The following PKN2 variants were observed in gnomAD, a reference collection of about 807,000 sequenced individuals.
The protein encoded by PKN2 is protein kinase N2, also known as serine/threonine-protein kinase N2.
PKN2 carries 38 observed loss-of-function variants against 119.1 expected under a neutral mutation model. That is an observed-to-expected ratio of 0.32 (90% CI 0.25 to 0.42). PKN2 has a LOEUF of 0.42. Ranked by LOEUF, PKN2 falls within the 10% of genes least tolerant of loss-of-function variation. The pLI, the probability that PKN2 is intolerant of heterozygous loss-of-function variation, is 1.00. For synonymous variants in PKN2, 390 were observed against 384.9 expected (o/e 1.01, Z -0.15); for missense variants, 850 against 1,165.1 (o/e 0.73, Z 3.94).
chr1:88,724,882 G>GTTTTTT (rs60507382), intron 1 of PKN2, among the ~76,000 whole-genome samples: 2,534 of 105,714 alleles, frequency 0.024, 78 homozygotes, highest in African/African-American at 0.071. Flanking sequence ...CCACCCCTTG[G>GTTTTTT]TTTTTTTTTT....
At chr1:88,820,981 TTC>T (rs1250490715) in intron 16 of PKN2, among the ~76,000 whole-genome samples, 2 of 152,190 alleles carry the variant, frequency 1.3e-5, no homozygotes, top group East Asian at 1.9e-4. Flanking sequence ...TCAAGAATTA[TTC>T]TCTCTCGACC....
At chr1:88,695,437 T>C (rs1341046647) in intron 1 of PKN2, among the ~76,000 whole-genome samples, 2 of 152,146 alleles carry the variant, frequency 1.3e-5, no homozygotes, top group East Asian at 3.8e-4. Context: ...GTGGTTCTTT[T>C]GTTTTTTTAT....
intron 3 of PKN2, 50 bp downstream of exon 3, chr1:88,760,426 T>A: frequency 3.8e-6 from 4 of 1,048,934 alleles, no homozygotes; most frequent in Non-Finnish European, 5.5e-6. Context: ...TATTTGCAGA[T>A]TCCATAGTTA....
intron 8 of PKN2, among the ~76,000 whole-genome samples, chr1:88,788,288 TTTGTG>T (rs1483843564): frequency 2.0e-5 from 3 of 152,286 alleles, no homozygotes; most frequent in Non-Finnish European, 4.4e-5. Flanking sequence ...AACACAGTCT[TTTGTG>T]TTGTTTTGGG....
chr1:88,732,747 T>C (rs1213104194), intron 1 of PKN2, among the ~76,000 whole-genome samples: 1 of 152,246 alleles, frequency 6.6e-6, no homozygotes, highest in Non-Finnish European at 1.5e-5. Context: ...TTTAAATTTC[T>C]TGTTTTATAT....
chr1:88,701,606 C>A (rs1037569243), intron 1 of PKN2, among the ~76,000 whole-genome samples: 4 of 152,192 alleles, frequency 2.6e-5, no homozygotes, highest in South Asian at 2.1e-4. Context: ...CCAGTTTACT[C>A]TTCACAGTTA....
At chr1:88,757,510 ATACAT>A (rs1420795371) in intron 2 of PKN2, among the ~76,000 whole-genome samples, 1 of 152,120 alleles carries the variant, frequency 6.6e-6, no homozygotes, top group Non-Finnish European at 1.5e-5. Flanking sequence ...ACAATATGAA[ATACAT>A]TCATTAAAAT....
At chr1:88,816,892 T>A (rs188132829) in intron 16 of PKN2, 1 of 152,288 alleles carries the variant, frequency 6.6e-6, no homozygotes, top group Admixed American at 6.5e-5. Flanking sequence ...TTTTCTGAAA[T>A]TGAGGCAGTA....
intron 1 of PKN2, among the ~76,000 whole-genome samples, chr1:88,697,486 ATTGT>A (rs1557545977): frequency 1.3e-5 from 2 of 152,074 alleles, no homozygotes; most frequent in African/African-American, 4.8e-5. Context: ...TTACTTTGCC[ATTGT>A]TTAAGTGTGG....
At chr1:88,711,334 C>T (rs1028154497) in intron 1 of PKN2, among the ~76,000 whole-genome samples, 11 of 151,970 alleles carry the variant, frequency 7.2e-5, no homozygotes, top group African/African-American at 2.7e-4. Flanking sequence ...TTAAGGTTTT[C>T]TTATTCCACT....
chr1:88,786,312 A>G (rs1000078927), intron 8 of PKN2, 99 bp downstream of exon 8: 42 of 575,086 alleles, frequency 7.3e-5, no homozygotes, highest in Non-Finnish European at 1.8e-5. Context: ...TCTTAACAAG[A>G]ATAAAAATAG....
chr1:88,700,090 T>C (rs867231778), intron 1 of PKN2, among the ~76,000 whole-genome samples: 8 of 152,040 alleles, frequency 5.3e-5, no homozygotes, highest in South Asian at 4.1e-4. Context: ...GCTAATCTCA[T>C]TCCTTTTCAT....
At chr1:88,749,860 TC>T (rs1668917837) in intron 2 of PKN2, among the ~76,000 whole-genome samples, 2 of 152,348 alleles carry the variant, frequency 1.3e-5, no homozygotes, top group Middle Eastern at 3.4e-3. Flanking sequence ...TTAGTATAGT[TC>T]CTCTTTAATT....
chr1:88,790,326 A>G (rs549097582), intron 8 of PKN2, among the ~76,000 whole-genome samples: 119 of 152,344 alleles, frequency 7.8e-4, no homozygotes, highest in Non-Finnish European at 1.4e-3. Context: ...GAGATGATAT[A>G]TGTCTGAAAA....
intron 2 of PKN2, among the ~76,000 whole-genome samples, chr1:88,751,395 CA>C (rs1436155205): frequency 4.6e-5 from 7 of 151,942 alleles, no homozygotes; most frequent in Non-Finnish European, 1.0e-4. Flanking sequence ...CACACACACA[CA>C]CACACACCTG....
intron 1 of PKN2, among the ~76,000 whole-genome samples, chr1:88,703,266 A>C (rs1666846437): frequency 6.6e-6 from 1 of 152,010 alleles, no homozygotes; most frequent in Non-Finnish European, 1.5e-5. Flanking sequence ...TTTTATGTTA[A>C]TTCTCTGGTA....
At chr1:88,832,242 G>A (rs529987453) in intron 19 of PKN2, among the ~76,000 whole-genome samples, 87 of 151,926 alleles carry the variant, frequency 5.7e-4, no homozygotes, top group South Asian at 1.5e-3. Context: ...ATGTATTTCC[G>A]CAGATTGCCT....
chr1:88,818,951 T>C (rs533078182), intron 16 of PKN2, among the ~76,000 whole-genome samples: 56 of 152,112 alleles, frequency 3.7e-4, no homozygotes, highest in Admixed American at 6.5e-4. Flanking sequence ...ATTTAATAAA[T>C]GGTGTTGGGA....
chr1:88,810,864 C>T (rs1671754079), intron 15 of PKN2, among the ~76,000 whole-genome samples: 1 of 152,220 alleles, frequency 6.6e-6, no homozygotes, highest in South Asian at 2.1e-4. Context: ...GCCTCAGCCT[C>T]CCAAAGTGCT....
Sources: allele counts gnomAD v4.1 joint callset (sites outside exome capture counted in the v4.1 genomes callset), GRCh38; gene constraint gnomAD v4.1.1; transcripts MANE v1.5; gene names NCBI Gene and HGNC (gene_info 2026-07-23, HGNC 2026-07-21).